H3-7: variants seen among roughly 807,000 people sequenced by gnomAD.
The protein encoded by H3-7 is H3.7 histone (putative).
chr1:143,904,597 C>T, the H3-7 span: 1 of 1,588,896 alleles, frequency 6.3e-7, no homozygotes, highest in Non-Finnish European at 8.6e-7. Context: ...TTCGCTGGAT[C>T]CGGCATTTTT....
At chr1:143,904,574 A>T in the H3-7 span, 661 of 1,603,016 alleles carry the variant, frequency 4.1e-4, 6 homozygotes, top group African/African-American at 7.7e-3. Flanking sequence ...CCTTCTTGGG[A>T]GCAGGAGCGG....
At chr1:143,905,825 C>A in the H3-7 span, 3 of 1,582,348 alleles carry the variant, frequency 1.9e-6, 1 homozygote, top group Middle Eastern at 3.4e-4. Context: ...TCCCGCAGAG[C>A]CACGGTGCCG....
At chr1:143,905,455 A>G in the H3-7 span, 1 of 951,596 alleles carries the variant, frequency 1.1e-6, no homozygotes, top group Admixed American at 2.6e-5. Context: ...ACCGCTGCGC[A>G]AGGCAGACGC....
At chr1:143,905,691 C>T in the H3-7 span, 5 of 1,582,824 alleles carry the variant, frequency 3.2e-6, 1 homozygote, top group East Asian at 2.3e-5. Flanking sequence ...CCTCCTGCAG[C>T]GCCATCACGG....
chr1:143,905,246 A>G, the H3-7 span, among the ~76,000 whole-genome samples: 1 of 107,088 alleles, frequency 9.3e-6, no homozygotes, highest in African/African-American at 3.5e-5. Context: ...CCACATCTAG[A>G]AACTCCCCAT....
chr1:143,905,666 G>A, the H3-7 span: 69 of 1,582,874 alleles, frequency 4.4e-5, 7 homozygotes, highest in Non-Finnish European at 5.9e-5. Context: ...AGCCCCACCA[G>A]GTAGGCCTCT....
the H3-7 span, chr1:143,904,479 A>T: frequency 6.3e-7 from 1 of 1,599,724 alleles, no homozygotes; most frequent in Non-Finnish European, 8.5e-7. Flanking sequence ...CACCTCCTAC[A>T]CGTAAACGGA....
At chr1:143,904,661 G>T in the H3-7 span, 13 of 1,543,728 alleles carry the variant, frequency 8.4e-6, no homozygotes, top group African/African-American at 1.5e-4. Context: ...ACCGCAAAAC[G>T]GGCTGGTTAT....
chr1:143,904,709 C>T, the H3-7 span: 1 of 1,240,310 alleles, frequency 8.1e-7, no homozygotes, highest in Non-Finnish European at 1.1e-6. Flanking sequence ...TGAAGACTCG[C>T]AAAGTGCTGC....
chr1:143,903,191 CAA>C, the H3-7 span, among the ~76,000 whole-genome samples: 24 of 60,386 alleles, frequency 4.0e-4, no homozygotes, highest in South Asian at 1.3e-3. Context: ...GACTCCGTCT[CAA>C]AAAAAAAAAA....
chr1:143,903,171 G>A, the H3-7 span, among the ~76,000 whole-genome samples: 2 of 137,364 alleles, frequency 1.5e-5, no homozygotes, highest in Admixed American at 7.3e-5. Flanking sequence ...CGGCCTGGGC[G>A]ACAGAGCGAG....
the H3-7 span, chr1:143,904,712 A>C: frequency 1.9e-5 from 23 of 1,222,794 alleles, 1 homozygote; most frequent in African/African-American, 4.5e-5. Context: ...AGACTCGCAA[A>C]GTGCTGCGCT....
chr1:143,905,846 G>T, the H3-7 span: 129 of 1,581,690 alleles, frequency 8.2e-5, 10 homozygotes, highest in Non-Finnish European at 1.0e-4. Context: ...GGCCGGTAGC[G>T]GTGCGGCTTC....
the H3-7 span, among the ~76,000 whole-genome samples, chr1:143,904,890 CG>C: frequency 5.6e-5 from 8 of 142,754 alleles, no homozygotes; most frequent in Admixed American, 5.7e-4. Flanking sequence ...ATAGTTTCAA[CG>C]GCTTGAGGTT....
the H3-7 span, chr1:143,905,517 C>A: frequency 6.9e-7 from 1 of 1,439,434 alleles, no homozygotes; most frequent in African/African-American, 1.4e-5. Context: ...GGCAGTGGCT[C>A]TGAAAAGAGC....
chr1:143,905,703 C>T, the H3-7 span: 57 of 1,582,680 alleles, frequency 3.6e-5, 3 homozygotes, highest in African/African-American at 6.7e-4. Flanking sequence ...CCATCACGGC[C>T]GAGCTCTGGA....
the H3-7 span, among the ~76,000 whole-genome samples, chr1:143,904,069 C>G: frequency 2.1e-5 from 3 of 144,966 alleles, 1 homozygote; most frequent in Non-Finnish European, 4.6e-5. Context: ...GTCCTAAACC[C>G]GAATGCATCC....
the H3-7 span, chr1:143,904,690 G>A: frequency 2.7e-5 from 38 of 1,409,084 alleles, no homozygotes; most frequent in African/African-American, 4.1e-4. Context: ...TATAGAGCCT[G>A]TATGCAAATG....
chr1:143,904,735 C>CT, the H3-7 span: 1 of 981,512 alleles, frequency 1.0e-6, no homozygotes, highest in East Asian at 2.6e-5. Flanking sequence ...AATTGGTTAA[C>CT]TTACAACGGT....
Sources: gnomAD v4.1 joint callset for allele counts (sites outside exome capture counted in the v4.1 genomes callset) on GRCh38, gnomAD v4.1.1 for gene constraint, MANE v1.5 for transcripts, NCBI Gene and HGNC (gene_info 2026-07-23, HGNC 2026-07-21) for gene names.